The following ERC2 variants were observed in gnomAD, a reference collection of about 807,000 sequenced individuals.
ERC2 encodes the protein ERC protein 2.
ERC2 carries 42 observed loss-of-function variants against 114.8 expected under a neutral mutation model. The ratio of observed to expected loss-of-function variants is 0.37; its 90% CI spans 0.29 to 0.47. The LOEUF is 0.47. Among genes scored for constraint, ERC2 ranks in the 20% least tolerant of loss-of-function variants. ERC2 has a pLI of 0.99. For missense variants in ERC2, 939 were observed against 1,150.7 expected (o/e 0.82, Z 2.66); for synonymous variants, 454 against 425.5 (o/e 1.07, Z -0.82).
chr3:55,975,367 T>A (rs1249714991), intron 12 of ERC2, among the ~76,000 whole-genome samples: 1 of 152,166 alleles, frequency 6.6e-6, no homozygotes, highest in Non-Finnish European at 1.5e-5. Flanking sequence ...CCAATTTCCA[T>A]AGTTTCTTCC....
intron 3 of ERC2, among the ~76,000 whole-genome samples, chr3:56,247,425 T>C (rs1354136098): frequency 6.6e-6 from 1 of 152,238 alleles, no homozygotes; most frequent in Non-Finnish European, 1.5e-5. Flanking sequence ...TTTTCTATTA[T>C]GCTTGAAAGT....
intron 1 of ERC2, among the ~76,000 whole-genome samples, chr3:56,449,726 T>C (rs1028463104): frequency 2.6e-5 from 4 of 152,216 alleles, no homozygotes. Context: ...ATCAGACTTT[T>C]CGTATAGATT....
rs1038422308 is a variant in ERC2 at position 55,769,726 on chromosome 3, G to A, written c.2565-34808C>T. Among the ~76,000 whole-genome samples, 10 of 151,934 alleles carry A rather than the reference G, an allele frequency of 6.6e-5. No homozygotes were observed. In the East Asian group the frequency reaches 7.7e-4, roughly 12 times the overall value. ...ACTATATCTGAGTGCCATAAAAGACGGTATTCATCCACAAGCCACAGAGTG... is the reference window on the plus strand; with the variant it reads ...ACTATATCTGAGTGCCATAAAAGACAGTATTCATCCACAAGCCACAGAGTG... On this transcript the variant is annotated intron_variant, in intron 14 of 17. Transcript: ENST00000288221.
intron 3 of ERC2, among the ~76,000 whole-genome samples, chr3:56,227,135 C>T (rs1342424585): frequency 1.3e-5 from 2 of 152,062 alleles, no homozygotes; most frequent in African/African-American, 2.4e-5. Context: ...TTGCAAATAC[C>T]CTCACATCCT....
intron 14 of ERC2, among the ~76,000 whole-genome samples, chr3:55,808,564 G>C (rs777126446): frequency 7.3e-5 from 11 of 151,476 alleles, no homozygotes; most frequent in African/African-American, 2.7e-4. Context: ...GCAGTGCCAA[G>C]ATGTTTCCAT....
intron 13 of ERC2, among the ~76,000 whole-genome samples, chr3:55,900,570 T>C (rs746380703): frequency 4.3e-4 from 66 of 152,328 alleles, no homozygotes; most frequent in Middle Eastern, 3.4e-3. Context: ...GAGACACCTA[T>C]TGATGATGAC....
At chr3:55,701,398 T>C (rs2063217700) in intron 15 of ERC2, among the ~76,000 whole-genome samples, 1 of 152,124 alleles carries the variant, frequency 6.6e-6, no homozygotes, top group Admixed American at 6.6e-5. Flanking sequence ...GCTAAACAGG[T>C]AGAAAGAACT....
chr3:56,454,268 T>A (rs1380915420), intron 1 of ERC2, among the ~76,000 whole-genome samples: 1 of 152,178 alleles, frequency 6.6e-6, no homozygotes, highest in Non-Finnish European at 1.5e-5. Flanking sequence ...TCCACTTACT[T>A]AGGTTAAGAT....
intron 12 of ERC2, among the ~76,000 whole-genome samples, chr3:55,969,202 T>G (rs6445760): frequency 0.98 from 148,667 of 152,222 alleles, 72,702 homozygotes; most frequent in Middle Eastern, 1. Flanking sequence ...CAGGAGAAAA[T>G]TAAAGGTAAA....
chr3:55,966,364 T>C lies in ERC2; in HGVS notation c.2268-15804A>G, dbSNP rs193030219. 2.3e-3 allele frequency among the ~76,000 whole-genome samples: 352 copies of C among 152,212 alleles called. 1 individual carries two copies. The highest frequency in any genetic ancestry group is 7.9e-3 in the African/African-American group (330 of 41,538). On this transcript the variant is annotated intron_variant, in intron 12 of 17. Coordinates refer to ENST00000288221, the MANE Select transcript of ERC2 (RefSeq NM_015576.3). ...ACCTGGATGGCAATGTTTCTAGAGCTCCCAGGGGCAGGGTGGCCAAACATT... is the reference window on the plus strand; with the variant it reads ...ACCTGGATGGCAATGTTTCTAGAGCCCCCAGGGGCAGGGTGGCCAAACATT...
intron 2 of ERC2, among the ~76,000 whole-genome samples, chr3:56,386,462 C>T (rs1240362814): frequency 2.0e-5 from 3 of 152,266 alleles, no homozygotes; most frequent in Middle Eastern, 6.8e-3. Context: ...CCTGGGCGAT[C>T]CTCCAAACCC....
chr3:56,056,069 A>G (rs1038713473), intron 7 of ERC2, among the ~76,000 whole-genome samples: 6 of 152,232 alleles, frequency 3.9e-5, no homozygotes, highest in Non-Finnish European at 2.9e-5. Context: ...TTAGCTTTCC[A>G]GCAAATTCAT....
At chr3:55,516,031 C>T (rs765911565) in intron 17 of ERC2, among the ~76,000 whole-genome samples, 16 of 152,096 alleles carry the variant, frequency 1.1e-4, no homozygotes, top group Non-Finnish European at 1.9e-4. Context: ...GTGCAGTGTG[C>T]CCCCAGGTAC....
rs766455558 is a variant in ERC2, at chr3:56,007,216, C to T, written c.2026G>A (p.Glu676Lys). ...TGTGCTTCCAATTTGCTACATTCCTCTTTCTTTTGTTCAATGGCTATTTCT... is the reference window on the plus strand; with the variant it reads ...TGTGCTTCCAATTTGCTACATTCCTTTTTCTTTTGTTCAATGGCTATTTCT... The part of the protein sequence containing the change: ...SLEIAIEQKK[E>K]ECSKLEAQLK... The change falls in exon 10 of 18, where the codon GAG becomes AAG. Residue 676 changes from glutamate (E) to lysine (K), a missense_variant. Transcript: ENST00000288221. 3 of 1,577,158 alleles carry T rather than the reference C, an allele frequency of 1.9e-6. No homozygotes were observed. The highest frequency in any genetic ancestry group is 2.6e-6 in the Non-Finnish European group (3 of 1,159,924).
chr3:56,305,351 T>C (rs2056149341), intron 2 of ERC2, among the ~76,000 whole-genome samples: 1 of 151,974 alleles, frequency 6.6e-6, no homozygotes, highest in Non-Finnish European at 1.5e-5. Flanking sequence ...CAACAGTTAA[T>C]TGAAAAATGC....
chr3:56,247,568 G>A (rs1355261159), intron 3 of ERC2, among the ~76,000 whole-genome samples: 2 of 152,224 alleles, frequency 1.3e-5, no homozygotes, highest in Non-Finnish European at 2.9e-5. Flanking sequence ...AAATGGTTGG[G>A]TTATGTAATA....
chr3:56,441,870 A>T (rs2062327004), intron 1 of ERC2, among the ~76,000 whole-genome samples: 1 of 152,192 alleles, frequency 6.6e-6, no homozygotes, highest in African/African-American at 2.4e-5. Flanking sequence ...ATTTTAAAAG[A>T]ATTATAAAAT....
chr3:56,074,166 A>G (rs2076867092), intron 7 of ERC2, among the ~76,000 whole-genome samples: 1 of 152,176 alleles, frequency 6.6e-6, no homozygotes, highest in African/African-American at 2.4e-5. Flanking sequence ...GCAGGATCAT[A>G]AACTAGGAAA....
chr3:56,429,463 T>C (rs1208264948), intron 2 of ERC2, among the ~76,000 whole-genome samples: 1 of 152,160 alleles, frequency 6.6e-6, no homozygotes, highest in Non-Finnish European at 1.5e-5. Flanking sequence ...CAGCTGTCCA[T>C]AATCCCTTGC....
Sources: allele counts gnomAD v4.1 joint callset (sites outside exome capture counted in the v4.1 genomes callset), GRCh38; gene constraint gnomAD v4.1.1; transcripts MANE v1.5; gene names NCBI Gene and HGNC (gene_info 2026-07-23, HGNC 2026-07-21).